Variants in PROS1 observed in about 807,000 individuals in gnomAD.
PROS1 encodes vitamin K-dependent protein S.
A neutral mutation model predicts 75.9 loss-of-function variants in PROS1; 29 were observed. The observed-to-expected ratio is 0.38, with a 90% confidence interval of 0.28 to 0.52. The LOEUF (loss-of-function observed/expected upper bound fraction) is 0.52, where lower values mean the gene tolerates loss of function less well. Among genes scored for constraint, PROS1 ranks in the 20% least tolerant of loss-of-function variants. The pLI is 0.83. For synonymous variants in PROS1, 245 were observed against 280.6 expected (o/e 0.87, Z 1.27); for missense variants, 680 against 810.3 (o/e 0.84, Z 1.95).
intron 14 of PROS1, among the ~76,000 whole-genome samples, chr3:93,875,857 CA>C (rs1407530690): frequency 6.6e-6 from 1 of 152,140 alleles, no homozygotes; most frequent in Non-Finnish European, 1.5e-5. Context: ...GAATAAATTG[CA>C]AATGTCATCT....
chr3:93,955,593 G>A (rs1709586117), intron 1 of PROS1, among the ~76,000 whole-genome samples: 3 of 151,942 alleles, frequency 2.0e-5, no homozygotes, highest in Non-Finnish European at 1.5e-5. Flanking sequence ...GGGGGAGGGG[G>A]GATGGATAGC....
chr3:93,878,290 C>T (rs1403891240), intron 13 of PROS1, among the ~76,000 whole-genome samples: 1 of 151,732 alleles, frequency 6.6e-6, no homozygotes, highest in African/African-American at 2.4e-5. Flanking sequence ...AAAACAAAAA[C>T]AAAAACAAAA....
At chr3:93,947,619 T>G (rs1396140176) in intron 1 of PROS1, among the ~76,000 whole-genome samples, 2 of 151,962 alleles carry the variant, frequency 1.3e-5, no homozygotes, top group African/African-American at 4.8e-5. Context: ...CAGGCTGGAG[T>G]GCAGTGGCGT....
At chr3:93,877,918 C>G (rs1708215766) in intron 13 of PROS1, among the ~76,000 whole-genome samples, 1 of 152,132 alleles carries the variant, frequency 6.6e-6, no homozygotes, top group African/African-American at 2.4e-5. Context: ...AAAAGACTAA[C>G]TTTGCAAATA....
intron 14 of PROS1, among the ~76,000 whole-genome samples, chr3:93,876,746 T>C (rs1206353526): frequency 6.6e-6 from 1 of 152,022 alleles, no homozygotes; most frequent in East Asian, 1.9e-4. Context: ...GATAGCCAAA[T>C]GAAGCAAAAC....
Position 93,973,852 on chromosome 3 carries a change from C to A in PROS1, c.-103G>T. 2 of 940,576 alleles carry A rather than the reference C, an allele frequency of 2.1e-6. No homozygotes were observed. Among genetic ancestry groups the A allele is most frequent in the East Asian group, 3.5e-5 (1 of 28,826 alleles). 58.3% of individuals were successfully genotyped at this position (940,576 alleles called of 1,614,324 possible). ...CGAGCCTGTGCGCCTCGGTCTGAGC[C>A]GTGCTGCGCGGCGGCGCCAGCGACC... On this transcript the variant is annotated 5_prime_UTR_variant, in exon 1 of 15. Coordinates refer to ENST00000394236, the MANE Select transcript of PROS1 (RefSeq NM_000313.4).
At chr3:93,905,972 T>A in intron 5 of PROS1, 49 bp downstream of exon 5, 3 of 1,613,628 alleles carry the variant, frequency 1.9e-6, no homozygotes, top group Middle Eastern at 3.3e-4. Flanking sequence ...AGAGAACTTT[T>A]CAGGAGACCA....
At chr3:93,965,553 T>C (rs1709776097) in intron 1 of PROS1, among the ~76,000 whole-genome samples, 1 of 152,162 alleles carries the variant, frequency 6.6e-6, no homozygotes, top group African/African-American at 2.4e-5. Flanking sequence ...TTGGAATCCA[T>C]GAGGCCAAGA....
At chr3:93,920,184 G>C (rs997032806) in intron 3 of PROS1, among the ~76,000 whole-genome samples, 2 of 151,970 alleles carry the variant, frequency 1.3e-5, no homozygotes, top group African/African-American at 4.8e-5. Context: ...GACTGCTTGA[G>C]CCCAGGAGTT....
At chr3:93,946,663 G>T (rs1709405430) in intron 1 of PROS1, among the ~76,000 whole-genome samples, 2 of 151,912 alleles carry the variant, frequency 1.3e-5, no homozygotes, top group South Asian at 4.1e-4. Context: ...ATTCAAGATG[G>T]ATTAAAGACT....
At chr3:93,934,058 T>C (rs937511029) in intron 1 of PROS1, among the ~76,000 whole-genome samples, 38 of 145,686 alleles carry the variant, frequency 2.6e-4, no homozygotes, top group Middle Eastern at 3.6e-3. Flanking sequence ...TGGGCACCTC[T>C]AATCCCAGTT....
At chr3:93,945,447 A>G (rs576936159) in intron 1 of PROS1, among the ~76,000 whole-genome samples, 1 of 152,356 alleles carries the variant, frequency 6.6e-6, no homozygotes, top group South Asian at 2.1e-4. Flanking sequence ...CAGCACATCA[A>G]AAAGCTATCC....
intron 10 of PROS1, among the ~76,000 whole-genome samples, chr3:93,891,554 C>T (rs375273010): frequency 2.0e-4 from 30 of 152,074 alleles, no homozygotes; most frequent in Middle Eastern, 3.4e-3. Context: ...GGATTGCAGG[C>T]GTGCGCCACC....
chr3:93,906,212 T>C, intron 4 of PROS1, 69 bp from the exon 5 acceptor site: 1 of 1,548,792 alleles, frequency 6.5e-7, no homozygotes, highest in Non-Finnish European at 8.8e-7. Flanking sequence ...GTGTGTACTA[T>C]AATAAAAATC....
At chr3:93,891,190 G>A (rs1708426483) in intron 10 of PROS1, among the ~76,000 whole-genome samples, 1 of 151,998 alleles carries the variant, frequency 6.6e-6, no homozygotes, top group Non-Finnish European at 1.5e-5. Context: ...GCTCCTCTAG[G>A]CATAAAAGAT....
chr3:93,875,646 CT>C (rs1708172164), intron 14 of PROS1, among the ~76,000 whole-genome samples: 1 of 151,136 alleles, frequency 6.6e-6, no homozygotes, highest in Admixed American at 6.6e-5. Flanking sequence ...ATCTATCTAT[CT>C]ATCTATCTAT....
intron 1 of PROS1, among the ~76,000 whole-genome samples, chr3:93,945,549 A>C (rs542235605): frequency 3.3e-5 from 5 of 152,344 alleles, no homozygotes; most frequent in South Asian, 2.1e-4. Flanking sequence ...ACAGAACTAA[A>C]GACAAAAACC....
chr3:93,909,457 G>A (rs1268257326), intron 4 of PROS1, among the ~76,000 whole-genome samples: 10 of 140,886 alleles, frequency 7.1e-5, no homozygotes, highest in African/African-American at 7.9e-5. Flanking sequence ...AAAAAAAAAC[G>A]TACAAGTAAA....
Position 93,886,487 on chromosome 3 carries a change from A to G in PROS1, c.1172T>C (p.Leu391Ser), listed in dbSNP as rs1349532955. The change falls in exon 11 of 15, where the codon TTA (leucine) becomes TCA (serine). Residue 391 changes from leucine to serine, a missense_variant. Coordinates refer to ENST00000394236, the MANE Select transcript of PROS1 (RefSeq NM_000313.4). ...TATTTTAATGCTAATACTATGTTCT[A>G]ATTCTTCCACAGACACCTACAATTA... ...GLWNMVSVEE[L>S]EHSISIKIAK... The G allele has an allele frequency of 6.2e-7, 1 of 1,609,298 alleles. No individual in the cohort carries two copies. Among genetic ancestry groups the G allele is most frequent in the South Asian group, 1.1e-5 (1 of 90,978 alleles).
Sources: allele counts gnomAD v4.1 joint callset (sites outside exome capture counted in the v4.1 genomes callset), GRCh38; gene constraint gnomAD v4.1.1; transcripts MANE v1.5; gene names NCBI Gene and HGNC (gene_info 2026-07-23, HGNC 2026-07-21).